STRA8: variants seen among roughly 807,000 people sequenced by gnomAD.
STRA8 encodes stimulated by retinoic acid gene 8 protein homolog.
Under a neutral mutation model 37.1 loss-of-function variants are expected in STRA8, and 18 were observed. The observed-to-expected ratio is 0.48, with a 90% CI of 0.34 to 0.72. STRA8 has a LOEUF of 0.72. Among genes scored for constraint, STRA8 ranks in the 30% least tolerant of loss-of-function variants. The pLI is 0.01. For synonymous variants in STRA8, 168 were observed against 162.9 expected (o/e 1.03, Z -0.24); for missense variants, 357 against 410.4 (o/e 0.87, Z 1.13).
rs113629644 is a variant in STRA8, at chr7:135,257,713, C to G, written c.1066-705C>G. On this transcript the variant is annotated intron_variant, in intron 8 of 8. Transcript: ENST00000662584. ...AAGTGCTGGGATTACAGGCATTGAG[C>G]CATCATGACCAGCTGCAGTGCTGCT... 9.2e-5 allele frequency among the ~76,000 whole-genome samples: 14 copies of G among 152,242 alleles called. 1 individual carries two copies. The highest frequency in any genetic ancestry group is 2.6e-4 in the African/African-American group (11 of 41,544).
chr7:135,233,633 C>G (rs1832323864), upstream of STRA8, among the ~76,000 whole-genome samples: 1 of 152,166 alleles, frequency 6.6e-6, no homozygotes, highest in Admixed American at 6.5e-5. Flanking sequence ...TGAGTCAGCC[C>G]CGCCCCTCCC....
intron 6 of STRA8, among the ~76,000 whole-genome samples, chr7:135,249,871 G>T (rs893708016): frequency 6.6e-6 from 1 of 152,252 alleles, no homozygotes; most frequent in East Asian, 1.9e-4. Flanking sequence ...AGGCCTATGG[G>T]CTGATGTTTG....
At chr7:135,255,289 T>G in intron 8 of STRA8, 64 bp downstream of exon 8, 1 of 1,287,098 alleles carries the variant, frequency 7.8e-7, no homozygotes, top group Non-Finnish European at 1.1e-6. Flanking sequence ...AAAGGGCTCT[T>G]AAGGGCAGCC....
rs187437270 is a variant in STRA8, at chr7:135,244,203, C to T, written c.353+793C>T. On this transcript the variant is annotated intron_variant, in intron 4 of 8. Transcript: ENST00000662584. ...ACTCCCAAGTAGCTGGGATTACAGG[C>T]GCCTGCCACCACGCCTGGCTAGTTT... Among the ~76,000 whole-genome samples, 139 of 152,274 alleles carry T rather than the reference C, an allele frequency of 9.1e-4. 2 individuals carry two copies. In the South Asian group the frequency reaches 0.015, roughly 16 times the overall value.
intron 1 of STRA8, among the ~76,000 whole-genome samples, chr7:135,238,348 G>A (rs1367662561): frequency 1.3e-5 from 2 of 152,176 alleles, no homozygotes; most frequent in Non-Finnish European, 2.9e-5. Context: ...GGCTCCTAGA[G>A]GCGACTGGTG....
Position 135,245,451 on chromosome 7 carries a change from G to C in STRA8, c.517G>C (p.Glu173Gln). The change falls in exon 5 of 9, where the codon GAG (glutamate) becomes CAG (glutamine). Residue 173 changes from glutamate to glutamine, a missense_variant. Glu to Gln is a conservative substitution (Grantham distance 29, BLOSUM62 2). Coordinates refer to ENST00000662584, the MANE Select transcript of STRA8 (RefSeq NM_001394401.1). ...GGAGGAAGAGGAGGAAGAGGAAGAG[G>C]AGGAGGAGGAAGAGGAGAAAAAAGT... The part of the protein sequence containing the change: ...EEEEEEEEEE[E>Q]EEEEEKKVIL... 2.7e-6 allele frequency: 2 copies of C among 741,446 alleles called. No individual in the cohort carries two copies. Among genetic ancestry groups the C allele is most frequent in the Non-Finnish European group, 5.0e-6 (2 of 402,112 alleles). 45.9% of individuals were successfully genotyped at this position (741,446 alleles called of 1,614,324 possible).
At position 135,258,407 on chromosome 7, in the gene STRA8, G is replaced by A. The variant is rs74356588; in HGVS notation, c.1066-11G>A. 3.3e-3 allele frequency: 5,302 copies of A among 1,595,422 alleles called. 205 individuals are homozygous for A. The East Asian group carries it at 0.094, about 28-fold the overall frequency. On this transcript the variant is annotated splice_polypyrimidine_tract_variant and intron_variant, in intron 8 of 8. Transcript: ENST00000662584. ...ATAAAAAGTGACCCTCTTCCACCCT[G>A]TGTCTTGCAGGAAGCATCCTTTCCC...
At chr7:135,255,374 C>T (rs146722066) in intron 8 of STRA8, 149 bp downstream of exon 8, 7 of 613,474 alleles carry the variant, frequency 1.1e-5, no homozygotes, top group African/African-American at 9.2e-5. Context: ...CTGGCTTGCT[C>T]CATGAATGGT....
At position 135,246,775 on chromosome 7, in the gene STRA8, C is replaced by A; in HGVS notation, c.879+73C>A. 7.0e-7 allele frequency: 1 copy of A among 1,419,008 alleles called. No homozygotes were observed. Among genetic ancestry groups the A allele is most frequent in the South Asian group, 1.4e-5 (1 of 70,068 alleles). The allele number at this position is 1,419,008 out of a possible 1,614,324, so 87.9% of individuals were successfully genotyped here. A position where few individuals can be genotyped will look rare whatever the true frequency, so the allele number is the denominator to read the frequency against. On this transcript the variant is annotated intron_variant, in intron 6 of 8. Coordinates refer to ENST00000662584, the MANE Select transcript of STRA8 (RefSeq NM_001394401.1). This position sits in a 1 kb window ranked among gnomAD's most constrained non-coding sequence, Gnocchi z 5.4. ...TCGCCCTCGCCTGGGGACACCAGGGCTTTGCATTTAGCAGGTTGGAGGTGC... is the reference window on the plus strand; with the variant it reads ...TCGCCCTCGCCTGGGGACACCAGGGATTTGCATTTAGCAGGTTGGAGGTGC...
rs573249134 is a variant in STRA8, at chr7:135,257,960, C to T, written c.1066-458C>T. 1.4e-4 allele frequency among the ~76,000 whole-genome samples: 21 copies of T among 152,328 alleles called. No homozygotes were observed. The East Asian group carries it at 1.5e-3, about 11-fold the overall frequency. ...TTCAAACACAAATAGTAGTAGCCTA[C>T]GGTACACATTGCTTTGCACTTTGCC... On this transcript the variant is annotated intron_variant, in intron 8 of 8. Coordinates refer to ENST00000662584, the MANE Select transcript of STRA8 (RefSeq NM_001394401.1).
intron 1 of STRA8, among the ~76,000 whole-genome samples, chr7:135,238,622 G>A (rs993809854): frequency 2.6e-5 from 4 of 152,228 alleles, no homozygotes; most frequent in South Asian, 2.1e-4. Context: ...CTTCCCACCC[G>A]CTTCCCTTTT....
intron 1 of STRA8, among the ~76,000 whole-genome samples, chr7:135,237,912 A>G (rs1327433367): frequency 6.6e-6 from 1 of 152,070 alleles, no homozygotes; most frequent in Non-Finnish European, 1.5e-5. Context: ...ACAAAACAAA[A>G]AAAAAAGAGC....
chr7:135,246,488 C>T lies in STRA8; in HGVS notation c.665C>T (p.Ala222Val), dbSNP rs1832556893. The stretch of plus-strand genomic sequence containing the variant: ...GGGATCATTACCCCGCAGGAGGCGG[C>T]GCTGCCCATCGTCTCCGCGGCCATC... Reference protein sequence around the residue: ...GSGIITPQEAALPIVSAAISH... With the variant: ...GSGIITPQEAVLPIVSAAISH... Residue 222 changes from alanine to valine, a missense_variant, in exon 6 of 9, where the codon GCG (alanine) becomes GTG (valine). Ala to Val is a moderately conservative substitution (Grantham distance 64, BLOSUM62 0). Coordinates refer to ENST00000662584, the MANE Select transcript of STRA8 (RefSeq NM_001394401.1). This position sits in a 1 kb window ranked among gnomAD's most constrained non-coding sequence, Gnocchi z 5.4. 6.3e-7 allele frequency: 1 copy of T among 1,582,056 alleles called. No individual in the cohort carries two copies. The highest frequency in any genetic ancestry group is 8.6e-7 in the Non-Finnish European group (1 of 1,163,518).
intron 1 of STRA8, among the ~76,000 whole-genome samples, chr7:135,239,093 C>A (rs958566296): frequency 6.6e-6 from 1 of 152,236 alleles, no homozygotes; most frequent in Non-Finnish European, 1.5e-5. Context: ...AAAAGTGTTT[C>A]AACATCCCAC....
At position 135,238,207 on chromosome 7, in the gene STRA8, G is replaced by A. The variant is rs1029405145; in HGVS notation, c.-6-2312G>A. Among the ~76,000 whole-genome samples, 5 of 152,270 alleles carry A rather than the reference G, an allele frequency of 3.3e-5. No individual in the cohort carries two copies. In the East Asian group the frequency reaches 5.8e-4, roughly 18 times the overall value. ...CCCCCTCCCTGAGCCAAGGGGGGGC[G>A]GGGGTGTAAATTTCCCCCAGCTCCT... On this transcript the variant is annotated intron_variant, in intron 1 of 8. Transcript: ENST00000662584.
intron 7 of STRA8, 108 bp downstream of exon 7, chr7:135,251,977 C>T (rs1291352013): frequency 1.2e-6 from 1 of 861,558 alleles, no homozygotes; most frequent in African/African-American, 4.3e-5. Context: ...TGTGGTAAGT[C>T]AGAGACAGAG....
At chr7:135,255,093 T>C (rs1383391202) in intron 7 of STRA8, 21 bp from the exon 8 acceptor site, 39 of 1,599,574 alleles carry the variant, frequency 2.4e-5, no homozygotes, top group Non-Finnish European at 3.3e-5. Context: ...TTTGTTGCCT[T>C]TTCTTCCTTT....
intron 1 of STRA8, among the ~76,000 whole-genome samples, 138 bp downstream of exon 1, chr7:135,234,041 C>T (rs1178550381): frequency 6.6e-6 from 1 of 151,944 alleles, no homozygotes; most frequent in Non-Finnish European, 1.5e-5. Flanking sequence ...CTTTTGTATC[C>T]GTCACTGTGG....
rs188796924 is a variant in STRA8, at chr7:135,254,208, C to A, written c.954-906C>A. On this transcript the variant is annotated intron_variant, in intron 7 of 8. Coordinates refer to ENST00000662584, the MANE Select transcript of STRA8 (RefSeq NM_001394401.1). Reference sequence around the variant, plus strand: ...GACTGCAAAGACAACCATCGAGAAGCTGCCAGCCTGTCCTTGCCAGGCAAT... The same window carrying A: ...GACTGCAAAGACAACCATCGAGAAGATGCCAGCCTGTCCTTGCCAGGCAAT... Among the ~76,000 whole-genome samples the A allele has an allele frequency of 1.1e-3, 165 of 152,320 alleles. 1 individual carries two copies. The highest frequency in any genetic ancestry group is 3.8e-3 in the African/African-American group (157 of 41,570).
Sources: allele counts gnomAD v4.1 joint callset (sites outside exome capture counted in the v4.1 genomes callset), GRCh38; gene constraint gnomAD v4.1.1; non-coding constraint Gnocchi (gnomAD v3.1); transcripts MANE v1.5; gene names NCBI Gene and HGNC (gene_info 2026-07-23, HGNC 2026-07-21).